Variants in IQCM observed in about 807,000 individuals in gnomAD.
IQCM encodes the protein IQ domain-containing protein M.
A neutral mutation model predicts 57.6 loss-of-function variants in IQCM; 45 were observed. The observed-to-expected ratio is 0.78, with a 90% CI of 0.62 to 1.00. The LOEUF (loss-of-function observed/expected upper bound fraction) is 1.00. Ranked by LOEUF, IQCM falls within the 50% of genes least tolerant of loss-of-function variation. The probability of loss-of-function intolerance (pLI) is 0.00; values close to 1 mark genes in which losing one functional copy is unlikely to be tolerated. For missense variants in IQCM, 468 were observed against 511.6 expected (o/e 0.91, Z 0.82); for synonymous variants, 148 against 158.9 (o/e 0.93, Z 0.51).
At chr4:149,425,982 G>A (rs976600426) in intron 13 of IQCM, among the ~76,000 whole-genome samples, 2 of 151,810 alleles carry the variant, frequency 1.3e-5, no homozygotes, top group African/African-American at 2.4e-5. Flanking sequence ...ATACTTAATT[G>A]CTTCTATTAT....
chr4:149,364,717 T>A (rs1236188950), intron 13 of IQCM, among the ~76,000 whole-genome samples: 2 of 152,014 alleles, frequency 1.3e-5, no homozygotes, highest in African/African-American at 4.8e-5. Flanking sequence ...TCATAAAAAG[T>A]CAAAATGTAG....
At chr4:149,421,178 C>T (rs964381489) in intron 13 of IQCM, among the ~76,000 whole-genome samples, 1 of 152,034 alleles carries the variant, frequency 6.6e-6, no homozygotes, top group African/African-American at 2.4e-5. Context: ...CTCTACATTG[C>T]TACAGATTCC....
At chr4:149,731,862 A>T (rs928906466) in intron 5 of IQCM, among the ~76,000 whole-genome samples, 6 of 143,156 alleles carry the variant, frequency 4.2e-5, no homozygotes, top group African/African-American at 1.6e-4. Flanking sequence ...TATAACGTGT[A>T]TTTTATTTAA....
chr4:149,563,814 G>A lies in IQCM; in HGVS notation c.826C>T (p.Gln276Ter), dbSNP rs1267577373. The A allele has an allele frequency of 3.2e-6, 4 of 1,231,402 alleles. No individual in the cohort carries two copies. The African/African-American group carries it at 6.2e-5, about 19-fold the overall frequency. The allele number at this position is 1,231,402 out of a possible 1,614,324, so 76.3% of individuals were successfully genotyped here. Residue 276 changes from glutamine (Q) to a stop codon, truncating the protein, a stop_gained, in exon 10 of 14, where the codon CAA (glutamine) becomes TAA (stop). Coordinates refer to ENST00000636793, the MANE Select transcript of IQCM (RefSeq NM_001363507.2). LOFTEE classifies it high-confidence loss of function. ...KRIGPHIEIF[Q>*]VFRERKKFMI... ...AATTTTTTTCTTTCTCGGAACACTT[G>A]GAAGATTTCTATGTGTGGTCCAATT...
At chr4:149,375,833 T>C (rs761727208) in intron 13 of IQCM, among the ~76,000 whole-genome samples, 19 of 152,294 alleles carry the variant, frequency 1.2e-4, no homozygotes, top group South Asian at 4.1e-4. Flanking sequence ...CAAATAATCA[T>C]TTAATGAAAC....
At chr4:149,357,778 T>G (rs1332038290) in intron 13 of IQCM, among the ~76,000 whole-genome samples, 2 of 152,180 alleles carry the variant, frequency 1.3e-5, no homozygotes, top group Admixed American at 1.3e-4. Flanking sequence ...TTAGGGAGGA[T>G]TCCCTCTTTT....
At chr4:149,399,475 G>GA (rs1235433272) in intron 13 of IQCM, among the ~76,000 whole-genome samples, 2 of 151,612 alleles carry the variant, frequency 1.3e-5, no homozygotes, top group Non-Finnish European at 3.0e-5. Context: ...AACAAAACAA[G>GA]AAAAAAAGAG....
intron 12 of IQCM, among the ~76,000 whole-genome samples, chr4:149,520,417 T>C (rs1745509094): frequency 6.6e-6 from 1 of 152,134 alleles, no homozygotes; most frequent in South Asian, 2.1e-4. Context: ...TACTGGCTTG[T>C]CCTTTAATTC....
At chr4:149,709,343 AC>A (rs1561184204) in intron 5 of IQCM, among the ~76,000 whole-genome samples, 1 of 152,022 alleles carries the variant, frequency 6.6e-6, no homozygotes. Context: ...CATGTAACCC[AC>A]CTGTATTTCA....
At chr4:149,733,177 G>C in intron 5 of IQCM, 67 bp downstream of exon 5, 1 of 1,183,552 alleles carries the variant, frequency 8.4e-7, no homozygotes. Context: ...TTCCATTACA[G>C]GCACATAAGA....
At chr4:149,396,542 C>A (rs545248190) in intron 13 of IQCM, among the ~76,000 whole-genome samples, 16 of 152,010 alleles carry the variant, frequency 1.1e-4, no homozygotes, top group Admixed American at 4.6e-4. Flanking sequence ...TAGAGTAGGT[C>A]ATTATTGTTC....
chr4:149,714,968 G>T (rs1223705953), intron 5 of IQCM, among the ~76,000 whole-genome samples: 1 of 152,158 alleles, frequency 6.6e-6, no homozygotes, highest in Non-Finnish European at 1.5e-5. Context: ...CTTATGAATT[G>T]TTTATTTCTG....
At chr4:149,429,384 A>G (rs1222758593) in intron 13 of IQCM, among the ~76,000 whole-genome samples, 1 of 151,940 alleles carries the variant, frequency 6.6e-6, no homozygotes, top group Non-Finnish European at 1.5e-5. Flanking sequence ...TTATAAAATT[A>G]TAATCTAGAA....
chr4:149,564,013 A>T, intron 9 of IQCM, 123 bp from the exon 10 acceptor site: 1 of 485,422 alleles, frequency 2.1e-6, no homozygotes, highest in South Asian at 1.1e-4. Flanking sequence ...TGTACATAGA[A>T]TTCAATGTAT....
At chr4:149,406,429 A>G (rs777404518) in intron 13 of IQCM, among the ~76,000 whole-genome samples, 2 of 152,150 alleles carry the variant, frequency 1.3e-5, no homozygotes, top group Admixed American at 6.6e-5. Context: ...AGAGCATTCA[A>G]CATAGAGCGG....
Position 149,486,017 on chromosome 4 carries a change from G to GTCTCTCTCTCTCTCTCTCTC in IQCM, c.1229-52480_1229-52461dup, listed in dbSNP as rs71596213. ...CCTTACTTTCTCCCAAGCAAACAGA[G>GTCTCTCTCTCTCTCTCTCTC]TCTCTCTCTCTCTCTCTCTCTCTCT... is the stretch of plus-strand genomic sequence containing the variant. On this transcript the variant is annotated intron_variant, in intron 12 of 13. Transcript: ENST00000636793. Among the ~76,000 whole-genome samples the GTCTCTCTCTCTCTCTCTCTC allele has an allele frequency of 1.2e-3, 147 of 121,666 alleles. 1 individual carries two copies. Among genetic ancestry groups the GTCTCTCTCTCTCTCTCTCTC allele is most frequent in the Non-Finnish European group, 1.8e-3 (101 of 57,076 alleles). The allele number at this position is 121,666 out of a possible 152,430, so 79.8% of individuals were successfully genotyped here. A position where few individuals can be genotyped will look rare whatever the true frequency, so the allele number is the denominator to read the frequency against.
intron 12 of IQCM, among the ~76,000 whole-genome samples, chr4:149,521,292 AAAGG>A (rs1745613433): frequency 6.6e-6 from 1 of 152,154 alleles, no homozygotes; most frequent in Non-Finnish European, 1.5e-5. Flanking sequence ...AGAAAGGAAA[AAAGG>A]AAGGAAGGGA....
intron 5 of IQCM, among the ~76,000 whole-genome samples, chr4:149,702,517 A>T (rs1479484823): frequency 6.6e-6 from 1 of 151,970 alleles, no homozygotes; most frequent in East Asian, 1.9e-4. Flanking sequence ...TTAAGCACTC[A>T]GTAAAGAGTC....
intron 7 of IQCM, among the ~76,000 whole-genome samples, chr4:149,668,238 A>G (rs1579927389): frequency 6.6e-6 from 1 of 152,094 alleles, no homozygotes; most frequent in African/African-American, 2.4e-5. Flanking sequence ...CTCTGCAGAA[A>G]CCCTACGAGC....
Sources: allele counts gnomAD v4.1 joint callset (sites outside exome capture counted in the v4.1 genomes callset), GRCh38; gene constraint gnomAD v4.1.1; transcripts MANE v1.5; gene names NCBI Gene and HGNC (gene_info 2026-07-23, HGNC 2026-07-21).